The following PDE3A variants were observed in gnomAD, a reference collection of about 807,000 sequenced individuals.
The protein encoded by PDE3A is phosphodiesterase 3A.
PDE3A carries 43 observed loss-of-function variants against 98.3 expected under a neutral mutation model. The observed-to-expected ratio is 0.44, with a 90% CI of 0.34 to 0.56. The LOEUF (loss-of-function observed/expected upper bound fraction) is 0.56. Among genes scored for constraint, PDE3A ranks in the 20% least tolerant of loss-of-function variants. The probability of loss-of-function intolerance (pLI) is 0.01; values close to 1 mark genes in which losing one functional copy is unlikely to be tolerated. For synonymous variants in PDE3A, 663 were observed against 567.9 expected (o/e 1.17, Z -2.38); for missense variants, 1,427 against 1,440.7 (o/e 0.99, Z 0.15).
At chr12:20,624,553 C>T (rs1437565451) in intron 5 of PDE3A, among the ~76,000 whole-genome samples, 2 of 152,164 alleles carry the variant, frequency 1.3e-5, no homozygotes, top group Non-Finnish European at 2.9e-5. Flanking sequence ...AGCCCCCTTC[C>T]ATTCTTGCCA....
rs563884053 is a variant in PDE3A at position 20,521,342 on chromosome 12, AT to A, written c.961-35310del. ...GGAGTGGTAACATGAATAATAAGAG[AT>A]TTTTTTTAAGTCTAGAAAACCTTAG... On this transcript the variant is annotated intron_variant, in intron 1 of 15. Coordinates refer to ENST00000359062, the MANE Select transcript of PDE3A (RefSeq NM_000921.5). Among the ~76,000 whole-genome samples, 450 of 152,088 alleles carry A rather than the reference AT, an allele frequency of 3.0e-3. 5 individuals carry two copies. Among genetic ancestry groups the A allele is most frequent in the African/African-American group, 9.6e-3 (400 of 41,522 alleles).
intron 1 of PDE3A, among the ~76,000 whole-genome samples, chr12:20,432,345 T>G (rs1369545463): frequency 6.6e-6 from 1 of 152,138 alleles, no homozygotes; most frequent in Non-Finnish European, 1.5e-5. Context: ...GTATACAGTT[T>G]TGGTTATGCA....
chr12:20,527,905 T>C (rs948426401), intron 1 of PDE3A, among the ~76,000 whole-genome samples: 4 of 151,632 alleles, frequency 2.6e-5, no homozygotes, highest in Non-Finnish European at 1.5e-5. Flanking sequence ...TATGTGTGTC[T>C]GTATAACTTT....
chr12:20,377,070 TATGTGC>T (rs951889888), intron 1 of PDE3A, among the ~76,000 whole-genome samples: 2 of 151,846 alleles, frequency 1.3e-5, no homozygotes, highest in South Asian at 2.1e-4. Context: ...GAAGTGTGTG[TATGTGC>T]ATGTGCATGT....
chr12:20,557,480 G>A (rs558751064), intron 2 of PDE3A, among the ~76,000 whole-genome samples: 2 of 152,026 alleles, frequency 1.3e-5, no homozygotes, highest in Non-Finnish European at 2.9e-5. Flanking sequence ...AAATTAAGTG[G>A]GTGGAAATTT....
rs185449585 is a variant in PDE3A at position 20,621,406 on chromosome 12, G to A, written c.1535G>A (p.Arg512Gln). 37 of 1,562,032 alleles carry A rather than the reference G, an allele frequency of 2.4e-5. No individual in the cohort carries two copies. The highest frequency in any genetic ancestry group is 1.6e-4 in the East Asian group (7 of 44,520). ...CATGTAAAGGCTAAAAAGCAAAGTC[G>A]ACCAGGTAAGTAACTTAACTGGAGA... ...ANHVKAKKQS[R>Q]PGALAKISPL... Residue 512 changes from arginine (R) to glutamine (Q), a missense_variant, in exon 5 of 16, where the codon CGA becomes CAA. Transcript: ENST00000359062.
intron 1 of PDE3A, among the ~76,000 whole-genome samples, chr12:20,459,422 T>C (rs919188057): frequency 6.6e-6 from 1 of 152,112 alleles, no homozygotes. Context: ...AGAAAATATA[T>C]AAAATAAGTA....
intron 1 of PDE3A, among the ~76,000 whole-genome samples, chr12:20,489,167 T>G (rs1026296385): frequency 6.6e-6 from 1 of 152,236 alleles, no homozygotes; most frequent in African/African-American, 2.4e-5. Context: ...TTGCAGTTAT[T>G]TTCTCTTAGT....
intron 1 of PDE3A, among the ~76,000 whole-genome samples, chr12:20,457,733 T>TA (rs1207865558): frequency 6.6e-6 from 1 of 151,966 alleles, no homozygotes; most frequent in Non-Finnish European, 1.5e-5. Context: ...TTATATCTGT[T>TA]AAAAAATAAC....
chr12:20,370,389 G>GGT (rs1486811953), intron 1 of PDE3A, 145 bp downstream of exon 1: 1 of 405,974 alleles, frequency 2.5e-6, no homozygotes, highest in African/African-American at 2.2e-5. Context: ...AAACTAGCAG[G>GGT]TTTTTTTTTT....
intron 1 of PDE3A, among the ~76,000 whole-genome samples, chr12:20,494,700 C>A (rs562756551): frequency 2.0e-5 from 3 of 152,012 alleles, no homozygotes; most frequent in Non-Finnish European, 4.4e-5. Context: ...TCCTGCTTTC[C>A]TACTTCTGGG....
intron 1 of PDE3A, among the ~76,000 whole-genome samples, chr12:20,485,632 T>G (rs1328853233): frequency 6.6e-6 from 1 of 152,220 alleles, no homozygotes; most frequent in Non-Finnish European, 1.5e-5. Context: ...TAATGAACTC[T>G]CTGCTGATAT....
At chr12:20,639,985 A>T (rs971139244) in intron 10 of PDE3A, 28 bp downstream of exon 10, 1 of 1,033,016 alleles carries the variant, frequency 9.7e-7, no homozygotes, top group Non-Finnish European at 1.5e-6. Flanking sequence ...GTGAAATAAT[A>T]CTTTTAAAAT....
chr12:20,552,681 C>G lies in PDE3A; in HGVS notation c.961-3979C>G. 1.9e-6 allele frequency: 3 copies of G among 1,613,982 alleles called. No homozygotes were observed. In the South Asian group the frequency reaches 3.3e-5, roughly 18 times the overall value. On this transcript the variant is annotated intron_variant, in intron 1 of 15. Coordinates refer to ENST00000359062, the MANE Select transcript of PDE3A (RefSeq NM_000921.5). The surrounding 1 kb of genome is among the most constrained non-coding windows in gnomAD (Gnocchi z 5.1). ...TCACGGCCCAGCAGAGCAGCCTCAT[C>G]AGAGAGGACAAGAGCAACGCCAAGC...
At chr12:20,640,372 C>A (rs1416415960) in intron 10 of PDE3A, among the ~76,000 whole-genome samples, 1 of 152,030 alleles carries the variant, frequency 6.6e-6, no homozygotes, top group African/African-American at 2.4e-5. Flanking sequence ...AATAACCCAT[C>A]CCTTTTATTG....
intron 1 of PDE3A, among the ~76,000 whole-genome samples, chr12:20,471,014 C>T (rs558313161): frequency 2.6e-5 from 4 of 152,184 alleles, no homozygotes; most frequent in Admixed American, 2.6e-4. Flanking sequence ...TCATTAGACA[C>T]CATCCATGCT....
intron 14 of PDE3A, among the ~76,000 whole-genome samples, chr12:20,651,551 C>T (rs1041564905): frequency 6.6e-6 from 1 of 152,066 alleles, no homozygotes; most frequent in African/African-American, 2.4e-5. Flanking sequence ...CTCTACTGCC[C>T]TAAAAAAGGT....
intron 2 of PDE3A, among the ~76,000 whole-genome samples, chr12:20,589,888 AAG>A (rs1185683402): frequency 2.6e-5 from 4 of 151,220 alleles, no homozygotes; most frequent in South Asian, 2.1e-4. Context: ...AAAAAAAAAA[AAG>A]AAAAAAAATT....
chr12:20,509,413 A>T (rs972692499), intron 1 of PDE3A, among the ~76,000 whole-genome samples: 38 of 152,022 alleles, frequency 2.5e-4, no homozygotes, highest in African/African-American at 9.2e-4. Context: ...GTACCCCTAC[A>T]TTAGTTTCTG....
Sources: gnomAD v4.1 joint callset for allele counts (sites outside exome capture counted in the v4.1 genomes callset) on GRCh38, gnomAD v4.1.1 for gene constraint, Gnocchi (gnomAD v3.1) non-coding constraint, MANE v1.5 for transcripts, NCBI Gene and HGNC (gene_info 2026-07-23, HGNC 2026-07-21) for gene names.